Variants in CUX1 observed in about 807,000 individuals in gnomAD.
CUX1 encodes the protein protein CASP.
Under a neutral mutation model 158.8 loss-of-function variants are expected in CUX1, and 31 were observed. That is an observed-to-expected ratio of 0.20 (90% CI 0.15 to 0.26). The LOEUF (loss-of-function observed/expected upper bound fraction) is 0.26. CUX1 is among the 10% of genes least tolerant of loss of function. The pLI, the probability that CUX1 is intolerant of heterozygous loss-of-function variation, is 1.00. For synonymous variants in CUX1, 879 were observed against 862.1 expected, an observed-to-expected ratio of 1.02 and a Z score of -0.34; for missense variants, 1,589 against 2,014.6, an observed-to-expected ratio of 0.79 and a Z score of 4.04.
chr7:102,156,939 G>T (rs1247161570), intron 8 of CUX1, among the ~76,000 whole-genome samples: 1 of 152,240 alleles, frequency 6.6e-6, no homozygotes, highest in Non-Finnish European at 1.5e-5. Context: ...TAGGACTAGG[G>T]ACAGTGCCAC....
At chr7:102,096,961 TC>T (rs782357042) in intron 4 of CUX1, among the ~76,000 whole-genome samples, 9 of 152,168 alleles carry the variant, frequency 5.9e-5, no homozygotes, top group Non-Finnish European at 1.2e-4. Context: ...CCCTTAAACA[TC>T]CCGGCACCTG....
chr7:102,118,972 G>A (rs1308250335), intron 8 of CUX1, among the ~76,000 whole-genome samples: 1 of 152,064 alleles, frequency 6.6e-6, no homozygotes, highest in Non-Finnish European at 1.5e-5. Context: ...GGATGGTCTT[G>A]ATCTCCTGAC....
At chr7:102,279,362 T>C (rs1791878687) in intron 18 of CUX1, among the ~76,000 whole-genome samples, 3 of 151,920 alleles carry the variant, frequency 2.0e-5, no homozygotes, top group Non-Finnish European at 2.9e-5. Context: ...TAAGCAATAA[T>C]AAAAAATGTA....
intron 1 of CUX1, among the ~76,000 whole-genome samples, chr7:101,900,534 A>G (rs962069925): frequency 1.2e-4 from 19 of 152,356 alleles, no homozygotes; most frequent in Admixed American, 7.2e-4. Context: ...TTGGCCTGGC[A>G]TAAGCTCTCC....
intron 4 of CUX1, among the ~76,000 whole-genome samples, chr7:102,094,978 A>G (rs1478459467): frequency 3.3e-5 from 5 of 152,056 alleles, no homozygotes; most frequent in Non-Finnish European, 5.9e-5. Context: ...TCCTGCTTAC[A>G]AAGAACCATC....
intron 2 of CUX1, among the ~76,000 whole-genome samples, chr7:101,980,721 C>T (rs889018675): frequency 1.3e-5 from 2 of 152,156 alleles, no homozygotes; most frequent in Non-Finnish European, 2.9e-5. Context: ...GTTCAGCCAG[C>T]CAGCCGTCTC....
chr7:101,935,988 G>A (rs1167061097), intron 2 of CUX1, among the ~76,000 whole-genome samples: 1 of 152,158 alleles, frequency 6.6e-6, no homozygotes, highest in Non-Finnish European at 1.5e-5. Flanking sequence ...ACAAGGAAGC[G>A]GTGGTTATGT....
chr7:101,977,145 T>G (rs896630908), intron 2 of CUX1, among the ~76,000 whole-genome samples: 1 of 152,014 alleles, frequency 6.6e-6, no homozygotes, highest in Non-Finnish European at 1.5e-5. Context: ...ACTCCTGACC[T>G]CAGGTGATCC....
At chr7:101,998,168 G>A (rs1816207729) in intron 2 of CUX1, among the ~76,000 whole-genome samples, 1 of 152,192 alleles carries the variant, frequency 6.6e-6, no homozygotes, top group African/African-American at 2.4e-5. Context: ...TGGCAGGGCT[G>A]TGCCCGGGCT....
At chr7:102,102,472 G>GC (rs557196612) in intron 5 of CUX1, among the ~76,000 whole-genome samples, 108 of 142,988 alleles carry the variant, frequency 7.6e-4, no homozygotes, top group African/African-American at 2.8e-3. Flanking sequence ...GCACTAAGCC[G>GC]CGTGGGTGTT....
intron 16 of CUX1, chr7:102,274,454 C>A: frequency 1.5e-6 from 1 of 657,020 alleles, no homozygotes; most frequent in Non-Finnish European, 2.6e-6. Context: ...CAGCAACCTT[C>A]AAAGGGTCGG....
At chr7:102,037,583 C>T (rs1032194395) in intron 3 of CUX1, among the ~76,000 whole-genome samples, 3 of 151,312 alleles carry the variant, frequency 2.0e-5, no homozygotes, top group Non-Finnish European at 4.4e-5. Flanking sequence ...AACTCCCAAC[C>T]TCATGTGATC....
intron 14 of CUX1, among the ~76,000 whole-genome samples, chr7:102,271,175 G>A (rs1250492718): frequency 6.6e-6 from 1 of 152,196 alleles, no homozygotes; most frequent in Non-Finnish European, 1.5e-5. Flanking sequence ...CTCCATCTCA[G>A]CCCTGTCTCT....
chr7:102,272,568 C>T (rs1249528582), intron 14 of CUX1, among the ~76,000 whole-genome samples: 3 of 152,022 alleles, frequency 2.0e-5, no homozygotes, highest in East Asian at 3.8e-4. Flanking sequence ...CTGAGCCGCA[C>T]AGTCAACCAG....
At chr7:102,199,254 G>A (rs1487015336) in intron 16 of CUX1, among the ~76,000 whole-genome samples, 2 of 152,140 alleles carry the variant, frequency 1.3e-5, no homozygotes, top group Non-Finnish European at 2.9e-5. Flanking sequence ...TTTTTAACTC[G>A]GAAACACACT....
chr7:102,272,798 C>T (rs1242454316), intron 14 of CUX1, among the ~76,000 whole-genome samples: 2 of 152,160 alleles, frequency 1.3e-5, no homozygotes, highest in East Asian at 1.9e-4. Flanking sequence ...TTGGGGACCA[C>T]GCCACCCCAA....
chr7:102,207,455 A>T (rs935635700), intron 20 of CUX1, among the ~76,000 whole-genome samples: 12 of 146,994 alleles, frequency 8.2e-5, no homozygotes, highest in South Asian at 6.5e-4. Flanking sequence ...AGGAAAAAAT[A>T]TTTTTTTTTT....
chr7:101,975,118 G>A (rs1380478179), intron 2 of CUX1, among the ~76,000 whole-genome samples: 1 of 152,100 alleles, frequency 6.6e-6, no homozygotes, highest in Non-Finnish European at 1.5e-5. Context: ...GGGCGTGATG[G>A]GAGGTGCCTG....
At chr7:102,028,762 G>A (rs938222168) in intron 3 of CUX1, among the ~76,000 whole-genome samples, 1 of 152,190 alleles carries the variant, frequency 6.6e-6, no homozygotes, top group African/African-American at 2.4e-5. Flanking sequence ...AGCCATAGAG[G>A]GGACTGGGCT....
Sources: allele counts gnomAD v4.1 joint callset (sites outside exome capture counted in the v4.1 genomes callset), GRCh38; gene constraint gnomAD v4.1.1; transcripts MANE v1.5; gene names NCBI Gene and HGNC (gene_info 2026-07-23, HGNC 2026-07-21).